Variants in ENOX1 observed in about 807,000 individuals in gnomAD.
The protein encoded by ENOX1 is candidate growth-related and time keeping constitutive hydroquinone (NADH) oxidase.
In ENOX1, 42 loss-of-function variants were observed where a neutral mutation model predicts 82.5. That is an observed-to-expected ratio of 0.51 (90% CI 0.40 to 0.66). The LOEUF is 0.66. ENOX1 is among the 30% of genes least tolerant of loss of function. ENOX1 has a pLI of 0.00. For missense variants in ENOX1, 608 were observed against 811.6 expected, an observed-to-expected ratio of 0.75 and a Z score of 3.05; for synonymous variants, 271 against 282.2, an observed-to-expected ratio of 0.96 and a Z score of 0.40.
chr13:43,427,165 A>G (rs2055360094), intron 3 of ENOX1, among the ~76,000 whole-genome samples: 1 of 152,152 alleles, frequency 6.6e-6, no homozygotes, highest in African/African-American at 2.4e-5. Flanking sequence ...AAACAAAGCT[A>G]AAGTCTATAA....
At chr13:43,503,105 C>T (rs2077038755) in intron 2 of ENOX1, among the ~76,000 whole-genome samples, 1 of 151,474 alleles carries the variant, frequency 6.6e-6, no homozygotes, top group Admixed American at 6.6e-5. Flanking sequence ...TTAAAACAAT[C>T]CCATGTACAA....
intron 2 of ENOX1, among the ~76,000 whole-genome samples, chr13:43,572,487 G>C (rs1214560744): frequency 6.6e-6 from 1 of 152,184 alleles, no homozygotes; most frequent in African/African-American, 2.4e-5. Flanking sequence ...TGAAAACAAT[G>C]ATGATCCAGG....
At chr13:43,548,982 C>T (rs75727028) in intron 2 of ENOX1, among the ~76,000 whole-genome samples, 4,888 of 152,274 alleles carry the variant, frequency 0.032, 262 homozygotes, top group African/African-American at 0.11. Flanking sequence ...TAGAGTCTCT[C>T]CTTTTGGTGT....
chr13:43,655,258 T>C (rs1460748499), intron 2 of ENOX1, among the ~76,000 whole-genome samples: 5 of 152,236 alleles, frequency 3.3e-5, no homozygotes, highest in South Asian at 2.1e-4. Context: ...AACTGTTCCA[T>C]GTCCACCATT....
intron 1 of ENOX1, among the ~76,000 whole-genome samples, chr13:43,698,215 A>C (rs576777321): frequency 1.3e-4 from 20 of 152,310 alleles, no homozygotes; most frequent in African/African-American, 4.6e-4. Context: ...GTGATGCTCT[A>C]TTACAAATAA....
At chr13:43,728,127 T>C (rs187620755) in intron 1 of ENOX1, among the ~76,000 whole-genome samples, 28 of 152,294 alleles carry the variant, frequency 1.8e-4, no homozygotes, top group African/African-American at 6.0e-4. Context: ...TTTTCCTTCT[T>C]CTCTGGAGAG....
intron 2 of ENOX1, among the ~76,000 whole-genome samples, chr13:43,594,560 T>C (rs182435701): frequency 6.6e-6 from 1 of 152,328 alleles, no homozygotes; most frequent in Admixed American, 6.5e-5. Context: ...TTGGTTTATA[T>C]ATAGGTGGTT....
intron 1 of ENOX1, among the ~76,000 whole-genome samples, chr13:43,772,057 T>TTA (rs1951663531): frequency 6.6e-6 from 1 of 151,426 alleles, no homozygotes; most frequent in African/African-American, 2.4e-5. Context: ...GTGCTGGGAT[T>TTA]ACAGCATTGG....
intron 3 of ENOX1, among the ~76,000 whole-genome samples, chr13:43,451,658 G>A (rs527679076): frequency 6.6e-6 from 1 of 152,254 alleles, no homozygotes; most frequent in Non-Finnish European, 1.5e-5. Flanking sequence ...CATGTACATG[G>A]TAAGATATAT....
chr13:43,361,169 C>A, intron 6 of ENOX1, 110 bp downstream of exon 6: 1 of 1,141,754 alleles, frequency 8.8e-7, no homozygotes. Flanking sequence ...CGGATCCCCA[C>A]TCTGTGCATT....
intron 3 of ENOX1, among the ~76,000 whole-genome samples, chr13:43,454,503 A>G (rs2057127267): frequency 6.6e-6 from 1 of 152,132 alleles, no homozygotes; most frequent in South Asian, 2.1e-4. Flanking sequence ...GTATATACTG[A>G]TATTTATTAA....
intron 11 of ENOX1, among the ~76,000 whole-genome samples, chr13:43,315,531 A>C (rs946111319): frequency 6.6e-6 from 1 of 152,022 alleles, no homozygotes; most frequent in Non-Finnish European, 1.5e-5. Flanking sequence ...AAACTCCTTC[A>C]AAAAATATCC....
At position 43,721,905 on chromosome 13, in the gene ENOX1, G is replaced by A. The variant is rs144292021; in HGVS notation, c.-284-54361C>T. On this transcript the variant is annotated intron_variant, in intron 1 of 16. Coordinates refer to ENST00000690772, the MANE Select transcript of ENOX1 (RefSeq NM_001347969.2). Reference sequence around the variant, plus strand: ...AAACACTTGTTAAACATAGAATGTGGTGTATAAGGACGAAAGATCTTAGGG... The same window carrying A: ...AAACACTTGTTAAACATAGAATGTGATGTATAAGGACGAAAGATCTTAGGG... 5.3e-5 allele frequency among the ~76,000 whole-genome samples: 8 copies of A among 152,254 alleles called. No individual in the cohort carries two copies. The East Asian group carries it at 1.5e-3, about 29-fold the overall frequency.
intron 3 of ENOX1, among the ~76,000 whole-genome samples, chr13:43,476,315 C>A (rs886244881): frequency 1.3e-5 from 2 of 151,800 alleles, no homozygotes; most frequent in Middle Eastern, 3.2e-3. Flanking sequence ...GTGAAGGTAC[C>A]AGACACTAAA....
chr13:43,655,229 C>A (rs934778309), intron 2 of ENOX1, among the ~76,000 whole-genome samples: 4 of 152,304 alleles, frequency 2.6e-5, no homozygotes, highest in Middle Eastern at 3.4e-3. Context: ...ATTGGTTTAG[C>A]AAAGTTCTAT....
At chr13:43,431,687 G>A (rs1302352817) in intron 3 of ENOX1, among the ~76,000 whole-genome samples, 2 of 152,104 alleles carry the variant, frequency 1.3e-5, no homozygotes, top group Non-Finnish European at 1.5e-5. Context: ...ATGAGTGGGT[G>A]TATATATACA....
chr13:43,559,141 C>T (rs930680545), intron 2 of ENOX1, among the ~76,000 whole-genome samples: 2 of 152,176 alleles, frequency 1.3e-5, no homozygotes, highest in Non-Finnish European at 2.9e-5. Context: ...GCTGGCAAGT[C>T]TGACTAGAAT....
At chr13:43,348,487 C>CT (rs569212939) in intron 8 of ENOX1, among the ~76,000 whole-genome samples, 353 of 152,362 alleles carry the variant, frequency 2.3e-3, no homozygotes, top group Middle Eastern at 3.4e-3. Flanking sequence ...CCCTAGGTCT[C>CT]AGTTAACTGT....
At chr13:43,352,641 G>A (rs915049696) in intron 8 of ENOX1, among the ~76,000 whole-genome samples, 20 of 152,118 alleles carry the variant, frequency 1.3e-4, no homozygotes, top group African/African-American at 4.3e-4. Flanking sequence ...GAATTGTCTC[G>A]GAACAATGTC....
Sources: allele counts gnomAD v4.1 joint callset (sites outside exome capture counted in the v4.1 genomes callset), GRCh38; gene constraint gnomAD v4.1.1; transcripts MANE v1.5; gene names NCBI Gene and HGNC (gene_info 2026-07-23, HGNC 2026-07-21).